COBL: variants seen among roughly 807,000 people sequenced by gnomAD.
COBL encodes the protein cordon-bleu WH2 repeat protein, also known as protein cordon-bleu.
Under a neutral mutation model 98.8 loss-of-function variants are expected in COBL, and 51 were observed. The ratio of observed to expected loss-of-function variants is 0.52; its 90% confidence interval spans 0.41 to 0.65. COBL has a LOEUF of 0.65. Among genes scored for constraint, COBL ranks in the 30% least tolerant of loss-of-function variants. The pLI, the probability that COBL is intolerant of heterozygous loss-of-function variation, is 0.00. For missense variants in COBL, 1,617 were observed against 1,617.5 expected, an observed-to-expected ratio of 1.00 and a Z score of 0.01; for synonymous variants, 634 against 651.7, an observed-to-expected ratio of 0.97 and a Z score of 0.41.
intron 5 of COBL, among the ~76,000 whole-genome samples, chr7:51,151,690 G>T (rs1020571153): frequency 5.9e-5 from 9 of 152,214 alleles, no homozygotes; most frequent in African/African-American, 1.9e-4. Context: ...TAATTTCCTG[G>T]TCAAGAGGAA....
intron 6 of COBL, among the ~76,000 whole-genome samples, chr7:51,104,394 C>T (rs1028125610): frequency 6.6e-6 from 1 of 152,156 alleles, no homozygotes; most frequent in Admixed American, 6.5e-5. Context: ...AGCGTGGTGG[C>T]CCCACTCACA....
intron 7 of COBL, among the ~76,000 whole-genome samples, chr7:51,059,249 A>AG (rs1791080654): frequency 6.6e-6 from 1 of 152,224 alleles, no homozygotes; most frequent in Non-Finnish European, 1.5e-5. Context: ...GTCTTTATTT[A>AG]GAAGTGTTTT....
chr7:51,169,159 C>G (rs538123771), intron 5 of COBL, among the ~76,000 whole-genome samples: 4 of 152,148 alleles, frequency 2.6e-5, no homozygotes, highest in Non-Finnish European at 5.9e-5. Flanking sequence ...ATCCACAACC[C>G]CTTATTTTAA....
At chr7:51,226,612 A>C (rs757769207) in intron 1 of COBL, among the ~76,000 whole-genome samples, 13 of 151,942 alleles carry the variant, frequency 8.6e-5, no homozygotes, top group Non-Finnish European at 1.9e-4. Context: ...TCAGCTGCCA[A>C]GTCAGTGCCC....
chr7:51,169,343 A>G (rs1416323118), intron 5 of COBL, among the ~76,000 whole-genome samples: 1 of 152,168 alleles, frequency 6.6e-6, no homozygotes, highest in Non-Finnish European at 1.5e-5. Flanking sequence ...ATGTCCCCCC[A>G]AAATGTATAA....
At chr7:51,201,627 A>G (rs1452080153) in intron 2 of COBL, among the ~76,000 whole-genome samples, 1 of 152,230 alleles carries the variant, frequency 6.6e-6, no homozygotes, top group East Asian at 1.9e-4. Context: ...GACCTAATAT[A>G]TATAATGTCC....
chr7:51,264,173 A>G (rs1797963830), intron 1 of COBL, among the ~76,000 whole-genome samples: 1 of 152,070 alleles, frequency 6.6e-6, no homozygotes, highest in African/African-American at 2.4e-5. Context: ...CTGGATCAAA[A>G]CTGCAGGCAA....
At chr7:51,079,130 C>T (rs535308130) in intron 7 of COBL, among the ~76,000 whole-genome samples, 66 of 152,276 alleles carry the variant, frequency 4.3e-4, no homozygotes, top group Admixed American at 4.3e-3. Context: ...CACTGAGAGC[C>T]ACTTCAGAGA....
At chr7:51,249,937 A>C (rs1289129356) in intron 1 of COBL, among the ~76,000 whole-genome samples, 2 of 152,136 alleles carry the variant, frequency 1.3e-5, no homozygotes, top group Non-Finnish European at 2.9e-5. Context: ...CCCTGTCTCT[A>C]CTAAAAATAC....
intron 6 of COBL, 133 bp downstream of exon 6, chr7:51,136,024 TA>T (rs1799200611): frequency 8.6e-7 from 1 of 1,166,146 alleles, no homozygotes. Flanking sequence ...AAATAAAGCT[TA>T]AATACTTGCC....
At chr7:51,052,765 A>T (rs1790363780) in intron 7 of COBL, among the ~76,000 whole-genome samples, 1 of 152,166 alleles carries the variant, frequency 6.6e-6, no homozygotes, top group Non-Finnish European at 1.5e-5. Context: ...GAGATGGGCA[A>T]CCTAAGAAAA....
chr7:51,124,283 G>A (rs1010090282), intron 6 of COBL, among the ~76,000 whole-genome samples: 1 of 152,128 alleles, frequency 6.6e-6, no homozygotes, highest in Non-Finnish European at 1.5e-5. Context: ...ACTTCCACAT[G>A]CAATTTGTCT....
chr7:51,082,509 G>T (rs1793759929), intron 7 of COBL, among the ~76,000 whole-genome samples: 1 of 152,204 alleles, frequency 6.6e-6, no homozygotes, highest in African/African-American at 2.4e-5. Flanking sequence ...AGCAAAGCAG[G>T]ACTTCAATTC....
At chr7:51,144,132 C>T (rs756892685) in intron 5 of COBL, among the ~76,000 whole-genome samples, 17 of 152,204 alleles carry the variant, frequency 1.1e-4, no homozygotes, top group Non-Finnish European at 2.4e-4. Context: ...GGCATGTGAG[C>T]TGACACCTGC....
At position 51,220,038 on chromosome 7, in the gene COBL, A is replaced by G. The variant is rs576795864; in HGVS notation, c.42-94T>C. ...CTTACACATACTCAGGTCTGTCTTCAGGAGCACCTTCCAAGTGCCACGGCC... is the reference window on the plus strand; with the variant it reads ...CTTACACATACTCAGGTCTGTCTTCGGGAGCACCTTCCAAGTGCCACGGCC... On this transcript the variant is annotated intron_variant, in intron 1 of 12. Coordinates refer to ENST00000265136, the MANE Select transcript of COBL (RefSeq NM_015198.5). 105 of 1,201,888 alleles carry G rather than the reference A, an allele frequency of 8.7e-5. 1 individual carries two copies. In the African/African-American group the frequency reaches 1.5e-3, roughly 17 times the overall value. 74.5% of individuals were successfully genotyped at this position (1,201,888 alleles called of 1,614,324 possible).
intron 1 of COBL, among the ~76,000 whole-genome samples, chr7:51,277,330 G>A (rs1362102275): frequency 1.3e-5 from 2 of 152,216 alleles, no homozygotes; most frequent in Non-Finnish European, 2.9e-5. Context: ...ATGTGTGCAT[G>A]CAGAAGTGTA....
chr7:51,179,127 A>C (rs909368309), intron 5 of COBL, among the ~76,000 whole-genome samples: 2 of 152,222 alleles, frequency 1.3e-5, no homozygotes, highest in African/African-American at 4.8e-5. Flanking sequence ...TGGAAATCCA[A>C]ACAGGGACCC....
chr7:51,020,019 G>A (rs1018911312), intron 12 of COBL, among the ~76,000 whole-genome samples: 25 of 152,162 alleles, frequency 1.6e-4, no homozygotes, highest in African/African-American at 5.6e-4. Flanking sequence ...GTGTCATGAC[G>A]CGTGTGGCCC....
chr7:51,175,807 C>T (rs1788312959), intron 5 of COBL, among the ~76,000 whole-genome samples: 1 of 152,186 alleles, frequency 6.6e-6, no homozygotes, highest in Non-Finnish European at 1.5e-5. Context: ...GTTTTCCTGC[C>T]TGCCATTCTC....
Sources: allele counts gnomAD v4.1 joint callset (sites outside exome capture counted in the v4.1 genomes callset), GRCh38; gene constraint gnomAD v4.1.1; transcripts MANE v1.5; gene names NCBI Gene and HGNC (gene_info 2026-07-23, HGNC 2026-07-21).